Variants in NCOA1 observed in about 807,000 individuals in gnomAD.
NCOA1 encodes the protein nuclear receptor coactivator 1, also known as Hin-2 protein.
A neutral mutation model predicts 150.9 loss-of-function variants in NCOA1; 35 were observed. The observed-to-expected ratio is 0.23, with a 90% confidence interval of 0.18 to 0.31. The LOEUF (loss-of-function observed/expected upper bound fraction) is 0.31. Among genes scored for constraint, NCOA1 ranks in the 10% least tolerant of loss-of-function variants. The probability of loss-of-function intolerance (pLI) is 1.00; values close to 1 mark genes in which losing one functional copy is unlikely to be tolerated. For missense variants in NCOA1, 1,491 were observed against 1,749.3 expected (o/e 0.85, Z 2.63); for synonymous variants, 590 against 630.0 (o/e 0.94, Z 0.95).
At chr2:24,581,513 G>T (rs1445967403) in intron 2 of NCOA1, among the ~76,000 whole-genome samples, 1 of 152,070 alleles carries the variant, frequency 6.6e-6, no homozygotes, top group Non-Finnish European at 1.5e-5. Context: ...GGTATAATGT[G>T]CTCTGTCTGG....
intron 9 of NCOA1, 124 bp from the exon 10 acceptor site, chr2:24,693,128 A>AC: frequency 2.4e-6 from 2 of 844,780 alleles, no homozygotes; most frequent in South Asian, 3.0e-5. Flanking sequence ...TGCTGGGATT[A>AC]CAGGCGTGAG....
chr2:24,634,879 C>T (rs568155043), intron 3 of NCOA1, among the ~76,000 whole-genome samples: 1 of 152,192 alleles, frequency 6.6e-6, no homozygotes, highest in East Asian at 1.9e-4. Context: ...CCTTGCCCGG[C>T]TTATTTTTAA....
intron 1 of NCOA1, among the ~76,000 whole-genome samples, chr2:24,560,073 C>G (rs1428740791): frequency 1.3e-5 from 2 of 152,228 alleles, no homozygotes; most frequent in East Asian, 3.9e-4. Flanking sequence ...GGTTTCCTGG[C>G]CTACTATTAT....
chr2:24,567,528 C>G (rs914489357), intron 2 of NCOA1, among the ~76,000 whole-genome samples: 2 of 152,160 alleles, frequency 1.3e-5, no homozygotes. Flanking sequence ...AGACTAGATA[C>G]ACCCATCTGA....
chr2:24,627,032 C>T (rs1368738573), intron 3 of NCOA1, among the ~76,000 whole-genome samples: 2 of 150,472 alleles, frequency 1.3e-5, no homozygotes, highest in Non-Finnish European at 1.5e-5. Flanking sequence ...CTGAGGTATA[C>T]TGAGTAAAAG....
At chr2:24,625,194 T>C (rs531509712) in intron 3 of NCOA1, among the ~76,000 whole-genome samples, 30 of 152,206 alleles carry the variant, frequency 2.0e-4, no homozygotes, top group African/African-American at 5.5e-4. Context: ...GTGTTTTTTT[T>C]CAACCATTTA....
At chr2:24,659,567 A>G (rs1671090151) in intron 5 of NCOA1, among the ~76,000 whole-genome samples, 1 of 152,182 alleles carries the variant, frequency 6.6e-6, no homozygotes, top group Admixed American at 6.5e-5. Context: ...ACATTTGAAA[A>G]ATATGTTTTT....
intron 3 of NCOA1, among the ~76,000 whole-genome samples, chr2:24,627,379 A>G (rs1253992285): frequency 6.6e-6 from 1 of 152,146 alleles, no homozygotes; most frequent in African/African-American, 2.4e-5. Flanking sequence ...AAATAAATCT[A>G]AATACTTGGA....
chr2:24,655,738 C>T (rs1223003295), intron 4 of NCOA1, among the ~76,000 whole-genome samples: 3 of 152,016 alleles, frequency 2.0e-5, no homozygotes, highest in Non-Finnish European at 4.4e-5. Context: ...TAAATGAGAA[C>T]CTGAATTGAG....
intron 17 of NCOA1, 64 bp from the exon 18 acceptor site, chr2:24,739,368 C>T (rs1230894781): frequency 8.5e-7 from 1 of 1,174,764 alleles, no homozygotes; most frequent in Non-Finnish European, 1.3e-6. Context: ...GTTTGTGTTA[C>T]TTTATAAGGC....
chr2:24,744,180 T>C (rs1021975411), intron 19 of NCOA1, among the ~76,000 whole-genome samples: 1 of 152,226 alleles, frequency 6.6e-6, no homozygotes, highest in Non-Finnish European at 1.5e-5. Context: ...GAAAGATGTG[T>C]TGCCACCTAT....
intron 11 of NCOA1, among the ~76,000 whole-genome samples, chr2:24,700,000 G>A (rs575912145): frequency 6.4e-4 from 97 of 151,922 alleles, no homozygotes; most frequent in Non-Finnish European, 1.1e-3. Context: ...CAAAATTAGC[G>A]CGCATGGTGG....
rs921098984 is a variant in NCOA1 at position 24,691,222 on chromosome 2, G to A, written c.533-259G>A. Among the ~76,000 whole-genome samples, 7 of 152,068 alleles carry A rather than the reference G, an allele frequency of 4.6e-5. No homozygotes were observed. In the East Asian group the frequency reaches 1.3e-3, roughly 29 times the overall value. ...TAGTAAGTTTTAATTTTTAATTTTT[G>A]CCTTTGATTATAGTATTTGAGGGGA... On this transcript the variant is annotated intron_variant, in intron 8 of 22. Coordinates refer to ENST00000348332, the MANE Select transcript of NCOA1 (RefSeq NM_003743.5).
chr2:24,549,159 A>G (rs1360364839), intron 1 of NCOA1, among the ~76,000 whole-genome samples: 1 of 152,178 alleles, frequency 6.6e-6, no homozygotes, highest in African/African-American at 2.4e-5. Flanking sequence ...CCCAAACCCC[A>G]GTTCTTGACT....
chr2:24,658,927 C>G (rs934528077), intron 5 of NCOA1, 161 bp downstream of exon 5: 3 of 626,226 alleles, frequency 4.8e-6, no homozygotes, highest in African/African-American at 3.7e-5. Flanking sequence ...GCACATGTTT[C>G]TCCCTCAATC....
chr2:24,694,669 T>C (rs1339185851), intron 10 of NCOA1, among the ~76,000 whole-genome samples: 1 of 152,142 alleles, frequency 6.6e-6, no homozygotes, highest in Non-Finnish European at 1.5e-5. Context: ...AGGATAGTAA[T>C]TATCAATTAT....
At chr2:24,685,028 G>GA (rs1388571642) in intron 8 of NCOA1, among the ~76,000 whole-genome samples, 2 of 151,716 alleles carry the variant, frequency 1.3e-5, no homozygotes, top group East Asian at 3.9e-4. Flanking sequence ...AACCACTGGG[G>GA]AAAAAAATCA....
At chr2:24,504,571 C>A (rs573215276) in intron 1 of NCOA1, among the ~76,000 whole-genome samples, 2 of 152,232 alleles carry the variant, frequency 1.3e-5, no homozygotes, top group African/African-American at 4.8e-5. Flanking sequence ...TATGTGTCAA[C>A]CTAAATGGAA....
At chr2:24,719,292 A>T (rs1674237721) in intron 14 of NCOA1, among the ~76,000 whole-genome samples, 1 of 152,176 alleles carries the variant, frequency 6.6e-6, no homozygotes, top group African/African-American at 2.4e-5. Context: ...AGTTAGGAAG[A>T]TTGATAGCCA....
Sources: allele counts gnomAD v4.1 joint callset (sites outside exome capture counted in the v4.1 genomes callset), GRCh38; gene constraint gnomAD v4.1.1; transcripts MANE v1.5; gene names NCBI Gene and HGNC (gene_info 2026-07-23, HGNC 2026-07-21).